Variants in PTPRD observed in about 807,000 individuals in gnomAD.
The protein encoded by PTPRD is protein tyrosine phosphatase receptor type D.
Under a neutral mutation model 214.5 loss-of-function variants are expected in PTPRD, and 34 were observed. The ratio of observed to expected loss-of-function variants is 0.16; its 90% CI spans 0.12 to 0.21. The LOEUF (loss-of-function observed/expected upper bound fraction) is 0.21, where lower values mean the gene tolerates loss of function less well. Ranked by LOEUF, PTPRD falls within the 10% of genes least tolerant of loss-of-function variation. PTPRD has a pLI of 1.00. For missense variants in PTPRD, 2,545 were observed against 2,398.7 expected, an observed-to-expected ratio of 1.06 and a Z score of -1.27; for synonymous variants, 1,128 against 845.7, an observed-to-expected ratio of 1.33 and a Z score of -5.79.
intron 9 of PTPRD, among the ~76,000 whole-genome samples, chr9:9,218,285 C>T (rs577676317): frequency 1.4e-4 from 22 of 152,182 alleles, no homozygotes; most frequent in East Asian, 5.8e-4. Context: ...CTCATAGATC[C>T]GGATTAGATA....
At chr9:8,698,173 T>C (rs758969591) in intron 12 of PTPRD, among the ~76,000 whole-genome samples, 13 of 152,240 alleles carry the variant, frequency 8.5e-5, no homozygotes, top group Non-Finnish European at 1.8e-4. Context: ...ATGATGTAGA[T>C]ATTGTAAAAT....
intron 5 of PTPRD, among the ~76,000 whole-genome samples, chr9:9,907,043 C>G (rs1383901147): frequency 6.6e-6 from 1 of 151,830 alleles, no homozygotes; most frequent in African/African-American, 2.4e-5. Flanking sequence ...ATCTCACCCC[C>G]CATACTCTCC....
chr9:10,410,942 C>T (rs995308249), intron 2 of PTPRD, among the ~76,000 whole-genome samples: 1 of 151,728 alleles, frequency 6.6e-6, no homozygotes, highest in Non-Finnish European at 1.5e-5. Flanking sequence ...CTTTTCCAGG[C>T]ATCAGTTCCT....
chr9:10,113,396 T>C (rs2098706856), intron 3 of PTPRD, among the ~76,000 whole-genome samples: 2 of 152,178 alleles, frequency 1.3e-5, no homozygotes, highest in Non-Finnish European at 2.9e-5. Context: ...TCCCACACCG[T>C]GCTTCCTCTG....
intron 3 of PTPRD, among the ~76,000 whole-genome samples, chr9:10,220,211 G>T (rs537192700): frequency 8.6e-5 from 13 of 151,764 alleles, no homozygotes; most frequent in African/African-American, 3.1e-4. Context: ...TAACACAAAA[G>T]AATATTAACA....
At chr9:10,460,020 T>A (rs1340544316) in intron 2 of PTPRD, among the ~76,000 whole-genome samples, 2 of 152,104 alleles carry the variant, frequency 1.3e-5, no homozygotes, top group African/African-American at 4.8e-5. Context: ...ACATTCATAA[T>A]GTTGTGTAGT....
chr9:9,578,039 C>A, intron 7 of PTPRD, among the ~76,000 whole-genome samples: 1 of 92,650 alleles, frequency 1.1e-5, no homozygotes, highest in Non-Finnish European at 2.0e-5. Context: ...GAGTAAGACT[C>A]TGTCTCAAAA....
chr9:9,778,613 C>T (rs2098818221), intron 5 of PTPRD, among the ~76,000 whole-genome samples: 1 of 152,074 alleles, frequency 6.6e-6, no homozygotes, highest in South Asian at 2.1e-4. Context: ...CCCTGTCTGC[C>T]CCCTCCTAGG....
intron 8 of PTPRD, among the ~76,000 whole-genome samples, chr9:9,450,256 G>A (rs1376688565): frequency 6.6e-6 from 1 of 151,862 alleles, no homozygotes; most frequent in Non-Finnish European, 1.5e-5. Flanking sequence ...TTTGTATAAT[G>A]ACTTCTTTTC....
Position 8,524,808 on chromosome 9 carries a change from C to T in PTPRD, c.679+117G>A, listed in dbSNP as rs182338215. The T allele has an allele frequency of 3.5e-3, 2,939 of 846,194 alleles. 10 individuals carry two copies. Among genetic ancestry groups the T allele is most frequent in the Non-Finnish European group, 5.0e-3 (2,433 of 488,188 alleles). 52.4% of individuals were successfully genotyped at this position (846,194 alleles called of 1,614,324 possible). On this transcript the variant is annotated intron_variant, in intron 18 of 45. Coordinates refer to ENST00000381196, the MANE Select transcript of PTPRD (RefSeq NM_002839.4). Reference sequence around the variant, plus strand: ...TCTATTTACTAACATGTTTCAGCTACGGTCACTATTACCAAACCAGCTTGT... The same window carrying T: ...TCTATTTACTAACATGTTTCAGCTATGGTCACTATTACCAAACCAGCTTGT...
At chr9:8,892,537 ATATG>A (rs1441449409) in intron 11 of PTPRD, among the ~76,000 whole-genome samples, 3 of 150,786 alleles carry the variant, frequency 2.0e-5, no homozygotes, top group Non-Finnish European at 4.4e-5. Context: ...GTGTGTATAT[ATATG>A]TGTGTATATA....
chr9:9,163,000 C>G (rs1163395884), intron 10 of PTPRD, among the ~76,000 whole-genome samples: 1 of 152,086 alleles, frequency 6.6e-6, no homozygotes, highest in Non-Finnish European at 1.5e-5. Flanking sequence ...CAACTCTCTT[C>G]TGGTGTGCCT....
At chr9:9,707,516 G>A (rs1564664674) in intron 7 of PTPRD, among the ~76,000 whole-genome samples, 1 of 151,994 alleles carries the variant, frequency 6.6e-6, no homozygotes, top group South Asian at 2.1e-4. Context: ...CCTAAACAAT[G>A]CTGGCATACT....
At chr9:10,487,649 C>G (rs1164558947) in intron 2 of PTPRD, among the ~76,000 whole-genome samples, 1 of 149,490 alleles carries the variant, frequency 6.7e-6, no homozygotes. Context: ...GGGAGTTGAA[C>G]AATGAATACA....
rs1455859678 is a variant in PTPRD, at chr9:8,500,971, T to C, written c.1911A>G (p.Lys637=). 2 of 1,614,022 alleles carry C rather than the reference T, an allele frequency of 1.2e-6. No homozygotes were observed. Among genetic ancestry groups the C allele is most frequent in the South Asian group, 1.1e-5 (1 of 91,070 alleles). ...LVSWQPPPVE[K]QNGIITEYSI... ...AGTATTCAGTGATAATGCCATTCTG[T>C]TTTTCCACTGGTGGAGGTTGCCAAC... is the stretch of plus-strand genomic sequence containing the variant. Residue 637 remains lysine (K), a synonymous_variant, in exon 24 of 46, where the codon AAA becomes AAG. Transcript: ENST00000381196.
chr9:8,623,649 G>C (rs1479179921), intron 14 of PTPRD, among the ~76,000 whole-genome samples: 1 of 151,818 alleles, frequency 6.6e-6, no homozygotes, highest in East Asian at 1.9e-4. Context: ...CTAGAACTTT[G>C]CTAACAGCTT....
At chr9:10,036,881 T>C (rs954020538) in intron 3 of PTPRD, among the ~76,000 whole-genome samples, 10 of 114,262 alleles carry the variant, frequency 8.8e-5, no homozygotes, top group Admixed American at 5.4e-4. Context: ...ATTTTTATTA[T>C]TTATTTATTT....
intron 3 of PTPRD, among the ~76,000 whole-genome samples, chr9:10,288,927 C>CTA (rs2095445015): frequency 6.6e-6 from 1 of 151,984 alleles, no homozygotes; most frequent in Non-Finnish European, 1.5e-5. Flanking sequence ...AAAAAACTGA[C>CTA]TATATAATCG....
At chr9:9,561,981 T>C (rs1454584844) in intron 8 of PTPRD, among the ~76,000 whole-genome samples, 1 of 152,170 alleles carries the variant, frequency 6.6e-6, no homozygotes, top group Non-Finnish European at 1.5e-5. Flanking sequence ...TTTTTTAATC[T>C]TCTGGACTGA....
Sources: allele counts gnomAD v4.1 joint callset (sites outside exome capture counted in the v4.1 genomes callset), GRCh38; gene constraint gnomAD v4.1.1; transcripts MANE v1.5; gene names NCBI Gene and HGNC (gene_info 2026-07-23, HGNC 2026-07-21).